ATF3: variants seen among roughly 807,000 people sequenced by gnomAD.
ATF3 encodes the protein cyclic AMP-dependent transcription factor ATF-3.
Under a neutral mutation model 18.4 loss-of-function variants are expected in ATF3, and 10 were observed. That is an observed-to-expected ratio of 0.54 (90% CI 0.34 to 0.92). The LOEUF is 0.92. ATF3 is among the 40% of genes least tolerant of loss of function. The pLI is 0.02. For synonymous variants in ATF3, 78 were observed against 87.9 expected (o/e 0.89, Z 0.63); for missense variants, 183 against 222.3 (o/e 0.82, Z 1.12).
upstream of ATF3, among the ~76,000 whole-genome samples, chr1:212,606,572 A>G (rs3122711): frequency 0.098 from 14,832 of 152,064 alleles, 984 homozygotes; most frequent in East Asian, 0.34. Flanking sequence ...TAAGGACAGG[A>G]GCAGATCTCC....
chr1:212,588,953 CT>C (rs562304782), intron 1 of ATF3, among the ~76,000 whole-genome samples: 2 of 152,090 alleles, frequency 1.3e-5, no homozygotes. Flanking sequence ...ATGTATATAG[CT>C]TTTTTGTGTG....
intron 1 of ATF3, among the ~76,000 whole-genome samples, chr1:212,593,380 T>C (rs1050014825): frequency 4.0e-5 from 6 of 151,768 alleles, no homozygotes; most frequent in Non-Finnish European, 7.4e-5. Flanking sequence ...ACATGGTACA[T>C]GTATACATAT....
chr1:212,589,683 CA>C (rs59930174), intron 1 of ATF3, among the ~76,000 whole-genome samples: 49 of 124,428 alleles, frequency 3.9e-4, no homozygotes, highest in Admixed American at 5.2e-4. Context: ...GACACCGTCT[CA>C]AAAAAAAAAA....
At chr1:212,588,973 G>C (rs937007392) in intron 1 of ATF3, among the ~76,000 whole-genome samples, 3 of 152,054 alleles carry the variant, frequency 2.0e-5, no homozygotes, top group African/African-American at 7.2e-5. Context: ...TGAATATGAA[G>C]ACATATTTAT....
chr1:212,595,641 T>C (rs1281263260), intron 1 of ATF3, among the ~76,000 whole-genome samples: 2 of 152,122 alleles, frequency 1.3e-5, no homozygotes, highest in Non-Finnish European at 2.9e-5. Context: ...AACAAAAATA[T>C]CCTCTAAGAA....
chr1:212,592,052 G>A (rs899777379), intron 1 of ATF3, among the ~76,000 whole-genome samples: 8 of 152,246 alleles, frequency 5.3e-5, no homozygotes, highest in African/African-American at 1.9e-4. Context: ...CAATTCAGTG[G>A]CATTAAGTAC....
intron 1 of ATF3, among the ~76,000 whole-genome samples, chr1:212,591,855 C>A (rs996215614): frequency 6.6e-6 from 1 of 152,036 alleles, no homozygotes; most frequent in Non-Finnish European, 1.5e-5. Flanking sequence ...GAAAGGGTTT[C>A]ATTCTGCTGC....
intron 1 of ATF3, among the ~76,000 whole-genome samples, chr1:212,595,353 G>T (rs933484082): frequency 6.6e-6 from 1 of 152,178 alleles, no homozygotes; most frequent in Admixed American, 6.5e-5. Flanking sequence ...TTCTCCAGTT[G>T]CCCATGGCAA....
rs73075890 is a variant in ATF3, at chr1:212,587,932, G to A, written c.-5+22449G>A. Reference sequence around the variant, plus strand: ...AGTTTAGCAATGCAGCAGTGCAAGCGAGGCACCTGCTGGGGCGGCGGGGGT... The same window carrying A: ...AGTTTAGCAATGCAGCAGTGCAAGCAAGGCACCTGCTGGGGCGGCGGGGGT... On this transcript the variant is annotated intron_variant, in intron 1 of 3. Coordinates refer to the ATF3 transcript ENST00000366981. 7.9e-3 allele frequency among the ~76,000 whole-genome samples: 1,190 copies of A among 150,842 alleles called. 18 individuals are homozygous for A. The highest frequency in any genetic ancestry group is 0.028 in the African/African-American group (1,133 of 40,860).
At chr1:212,583,484 C>T (rs1184057937) in intron 1 of ATF3, among the ~76,000 whole-genome samples, 1 of 152,182 alleles carries the variant, frequency 6.6e-6, no homozygotes, top group Non-Finnish European at 1.5e-5. Context: ...CAGGAACCCA[C>T]AGGGGATGGT....
At chr1:212,574,933 T>C (rs1664547164) in intron 1 of ATF3, among the ~76,000 whole-genome samples, 1 of 151,844 alleles carries the variant, frequency 6.6e-6, no homozygotes, top group Non-Finnish European at 1.5e-5. Context: ...TACCCTATTT[T>C]CTTCTTCTTC....
At chr1:212,601,365 G>T (rs185470035) in intron 1 of ATF3, among the ~76,000 whole-genome samples, 1 of 152,204 alleles carries the variant, frequency 6.6e-6, no homozygotes, top group South Asian at 2.1e-4. Context: ...TTCTGGTAAG[G>T]TCAACTCTAG....
At chr1:212,566,322 A>G (rs1664381896) in intron 1 of ATF3, among the ~76,000 whole-genome samples, 1 of 152,164 alleles carries the variant, frequency 6.6e-6, no homozygotes, top group Non-Finnish European at 1.5e-5. Flanking sequence ...GGCACACCAG[A>G]AAGGGCACAA....
intron 1 of ATF3, among the ~76,000 whole-genome samples, chr1:212,598,991 C>A (rs192700004): frequency 6.6e-6 from 1 of 152,198 alleles, no homozygotes; most frequent in Non-Finnish European, 1.5e-5. Context: ...AGTAGGATTG[C>A]TGGATCATAT....
chr1:212,608,181 C>G (rs1256305341), upstream of ATF3, among the ~76,000 whole-genome samples: 3 of 152,242 alleles, frequency 2.0e-5, no homozygotes, highest in Non-Finnish European at 4.4e-5. Context: ...TGCCCCTACT[C>G]CGCCCCTGCT....
At chr1:212,612,574 T>C (rs1270776207) in intron 1 of ATF3, among the ~76,000 whole-genome samples, 2 of 152,234 alleles carry the variant, frequency 1.3e-5, no homozygotes, top group Non-Finnish European at 2.9e-5. Context: ...TCTCAGAGTT[T>C]ATTGCCTGAC....
chr1:212,595,572 G>A (rs948911277), intron 1 of ATF3, among the ~76,000 whole-genome samples: 2 of 152,166 alleles, frequency 1.3e-5, no homozygotes, highest in Non-Finnish European at 1.5e-5. Flanking sequence ...TGGCTTTCTC[G>A]GACGAAAACT....
At chr1:212,580,112 C>G (rs113924830) in intron 1 of ATF3, among the ~76,000 whole-genome samples, 3 of 151,214 alleles carry the variant, frequency 2.0e-5, no homozygotes, top group African/African-American at 7.3e-5. Context: ...GAGCCGAGAT[C>G]GAGCCATTGC....
At chr1:212,580,504 T>C (rs1396230451) in intron 1 of ATF3, among the ~76,000 whole-genome samples, 2 of 151,996 alleles carry the variant, frequency 1.3e-5, no homozygotes, top group African/African-American at 4.8e-5. Context: ...TAGTAGAGAC[T>C]GTTGGCCAGG....
Sources: allele counts gnomAD v4.1 joint callset (sites outside exome capture counted in the v4.1 genomes callset), GRCh38; gene constraint gnomAD v4.1.1; transcripts MANE v1.5; gene names NCBI Gene and HGNC (gene_info 2026-07-23, HGNC 2026-07-21).